XKR7: variants seen among roughly 807,000 people sequenced by gnomAD.
XKR7 encodes the protein XK related 7, also known as XK-related protein 7.
Under a neutral mutation model 42.2 loss-of-function variants are expected in XKR7, and 11 were observed. That is an observed-to-expected ratio of 0.26 (90% CI 0.16 to 0.43). The LOEUF (loss-of-function observed/expected upper bound fraction) is 0.43, where lower values mean the gene tolerates loss of function less well. Ranked by LOEUF, XKR7 falls within the 20% of genes least tolerant of loss-of-function variation. The pLI is 1.00. For synonymous variants in XKR7, 346 were observed against 366.4 expected, an observed-to-expected ratio of 0.94 and a Z score of 0.64; for missense variants, 710 against 802.2, an observed-to-expected ratio of 0.89 and a Z score of 1.39.
At chr20:31,979,874 T>G (rs6121302) in intron 1 of XKR7, among the ~76,000 whole-genome samples, 78,545 of 151,832 alleles carry the variant, frequency 0.52, 24,070 homozygotes, top group African/African-American at 0.86. Context: ...TTTAGTCTCT[T>G]CTCTGCACCC....
chr20:31,982,900 A>G (rs1166466692), intron 1 of XKR7, among the ~76,000 whole-genome samples: 1 of 152,186 alleles, frequency 6.6e-6, no homozygotes, highest in African/African-American at 2.4e-5. Flanking sequence ...TCCATTGATC[A>G]AGTGCCCAAC....
intron 1 of XKR7, among the ~76,000 whole-genome samples, chr20:31,990,164 T>C (rs1416136365): frequency 1.3e-5 from 2 of 150,230 alleles, no homozygotes; most frequent in African/African-American, 5.0e-5. Context: ...TTATAAACTA[T>C]TTTTAAATTC....
chr20:31,984,904 G>A (rs2064530568), intron 1 of XKR7, among the ~76,000 whole-genome samples: 1 of 152,192 alleles, frequency 6.6e-6, no homozygotes, highest in African/African-American at 2.4e-5. Context: ...TGTGACTTGG[G>A]ACGAGTCCTG....
At chr20:31,993,721 G>T (rs529028769) in intron 1 of XKR7, among the ~76,000 whole-genome samples, 2 of 152,222 alleles carry the variant, frequency 1.3e-5, no homozygotes, top group South Asian at 2.1e-4. Flanking sequence ...CAGCATGGGG[G>T]AGATGTGCAC....
At position 31,982,519 on chromosome 20, in the gene XKR7, C is replaced by CAA. The variant is rs558720693; in HGVS notation, c.585-12532_585-12531dup. ...CCCAGGCGACAGAGAGACTCTGTCT[C>CAA]AAAAAAAAAAAAAAAAAAGGCTTGG... On this transcript the variant is annotated intron_variant, in intron 1 of 2. Coordinates refer to ENST00000562532, the MANE Select transcript of XKR7 (RefSeq NM_001011718.2). Among the ~76,000 whole-genome samples, 290 of 63,044 alleles carry CAA rather than the reference C, an allele frequency of 4.6e-3. 2 individuals carry two copies. Among genetic ancestry groups the CAA allele is most frequent in the Middle Eastern group, 0.02 (2 of 102 alleles). 41.4% of individuals were successfully genotyped at this position (63,044 alleles called of 152,430 possible). A position where few individuals can be genotyped will look rare whatever the true frequency, so the allele number is the denominator to read the frequency against.
At position 31,998,090 on chromosome 20, in the gene XKR7, G is replaced by GC. The variant is rs1172170348; in HGVS notation, c.*633_*634insC. ...GGATAGGAGAAAGAACTGGGGGGGG[G>GC]GTCTAGGCTGGCAGAAGCATGGAGG... On this transcript the variant is annotated 3_prime_UTR_variant, in exon 3 of 3. Transcript: ENST00000562532. 3 of 126,988 alleles carry GC rather than the reference G, an allele frequency of 2.4e-5. No homozygotes were observed. Among genetic ancestry groups the GC allele is most frequent in the African/African-American group, 8.8e-5 (3 of 34,134 alleles). 7.9% of individuals were successfully genotyped at this position (126,988 alleles called of 1,614,324 possible). A position where few individuals can be genotyped will look rare whatever the true frequency, so the allele number is the denominator to read the frequency against.
chr20:31,988,163 G>T (rs147756898), intron 1 of XKR7, among the ~76,000 whole-genome samples: 1 of 152,160 alleles, frequency 6.6e-6, no homozygotes, highest in Non-Finnish European at 1.5e-5. Flanking sequence ...AGAGACTTGG[G>T]GTGACTCAGG....
In XKR7 at chr20:31,968,790, C is replaced by T. The variant is rs763948478; in HGVS notation, c.584+31C>T. On this transcript the variant is annotated intron_variant, in intron 1 of 2. Coordinates refer to ENST00000562532, the MANE Select transcript of XKR7 (RefSeq NM_001011718.2). The surrounding 1 kb of genome is among the most constrained non-coding windows in gnomAD (Gnocchi z 4.5). ...AGAAGCGCAGGTGGAGGGACCTGAG[C>T]CCGAGGAGTGGGGGTGGCGAAGGGC... 6.2e-6 allele frequency: 9 copies of T among 1,462,594 alleles called. No individual in the cohort carries two copies. 90.6% of individuals were successfully genotyped at this position (1,462,594 alleles called of 1,614,324 possible). A position where few individuals can be genotyped will look rare whatever the true frequency, so the allele number is the denominator to read the frequency against.
intron 1 of XKR7, among the ~76,000 whole-genome samples, chr20:31,984,634 A>G (rs941233084): frequency 2.0e-5 from 3 of 152,150 alleles, no homozygotes; most frequent in Admixed American, 6.5e-5. Flanking sequence ...TTCACTTACT[A>G]TTGTTGCCTG....
intron 1 of XKR7, among the ~76,000 whole-genome samples, chr20:31,987,787 T>C (rs1460159255): frequency 6.6e-6 from 1 of 152,226 alleles, no homozygotes; most frequent in Non-Finnish European, 1.5e-5. Flanking sequence ...CTGAAGCTCC[T>C]GGCCTCTAAG....
intron 1 of XKR7, among the ~76,000 whole-genome samples, chr20:31,988,566 C>G (rs890311185): frequency 6.6e-6 from 1 of 152,182 alleles, no homozygotes; most frequent in Non-Finnish European, 1.5e-5. Context: ...CAAGCTTCTT[C>G]TCTGAGCACA....
At chr20:31,988,836 G>A (rs1370001654) in intron 1 of XKR7, among the ~76,000 whole-genome samples, 1 of 152,146 alleles carries the variant, frequency 6.6e-6, no homozygotes, top group East Asian at 1.9e-4. Flanking sequence ...CCTGTGAGGT[G>A]TCCTGGCTCT....
chr20:31,976,271 A>T (rs2122253437), intron 1 of XKR7, among the ~76,000 whole-genome samples: 1 of 152,388 alleles, frequency 6.6e-6, no homozygotes, highest in South Asian at 2.1e-4. Flanking sequence ...TCCCAAACCC[A>T]CATGTGGAAC....
At position 31,995,846 on chromosome 20, in the gene XKR7, A is replaced by C. The variant is rs1162794293; in HGVS notation, c.787+576A>C. Among the ~76,000 whole-genome samples the C allele has an allele frequency of 6.6e-6, 1 of 151,738 alleles. No individual in the cohort carries two copies. Among genetic ancestry groups the C allele is most frequent in the Non-Finnish European group, 1.5e-5 (1 of 67,944 alleles). On this transcript the variant is annotated intron_variant, in intron 2 of 2. Transcript: ENST00000562532. This position sits in a 1 kb window ranked among gnomAD's most constrained non-coding sequence, Gnocchi z 4.1. ...CATAATGACAGAGCCCCTCAATATC[A>C]GAGAAAAACCGCATCCCCCTGTCTC...
intron 1 of XKR7, chr20:31,970,355 AT>A (rs2064459283): frequency 6.6e-6 from 1 of 152,218 alleles, no homozygotes; most frequent in African/African-American, 2.4e-5. Context: ...CAAGAAACTA[AT>A]ACTTCTCTTC....
rs1167042907 is a variant in XKR7, at chr20:31,995,302, G to C, written c.787+32G>C. ...CCGCCCCTTCACCCTCTGCGCCTGG[G>C]ACCACCCCACCGGGCCTTTCTCCCT... On this transcript the variant is annotated intron_variant, in intron 2 of 2. Transcript: ENST00000562532. This position sits in a 1 kb window ranked among gnomAD's most constrained non-coding sequence, Gnocchi z 4.1. The C allele has an allele frequency of 2.0e-6, 3 of 1,532,248 alleles. No homozygotes were observed. Among genetic ancestry groups the C allele is most frequent in the South Asian group, 1.2e-5 (1 of 83,666 alleles). The allele number at this position is 1,532,248 out of a possible 1,614,324, so 94.9% of individuals were successfully genotyped here.
In XKR7 at chr20:31,998,080, C is replaced by A. The variant is rs1217598935; in HGVS notation, c.*623C>A. Reference sequence around the variant, plus strand: ...TGCTGGAGATGGATAGGAGAAAGAACTGGGGGGGGGGTCTAGGCTGGCAGA... The same window carrying A: ...TGCTGGAGATGGATAGGAGAAAGAAATGGGGGGGGGGTCTAGGCTGGCAGA... On this transcript the variant is annotated 3_prime_UTR_variant, in exon 3 of 3. Transcript: ENST00000562532. 4.3e-5 allele frequency: 2 copies of A among 46,282 alleles called. No homozygotes were observed. The highest frequency in any genetic ancestry group is 6.8e-4 in the Admixed American group (2 of 2,956). 2.9% of individuals were successfully genotyped at this position (46,282 alleles called of 1,614,324 possible). A position where few individuals can be genotyped will look rare whatever the true frequency, so the allele number is the denominator to read the frequency against.
chr20:31,995,814 C>T lies in XKR7; in HGVS notation c.787+544C>T, dbSNP rs917092690. Among the ~76,000 whole-genome samples the T allele has an allele frequency of 3.2e-4, 49 of 152,136 alleles. No individual in the cohort carries two copies. The highest frequency in any genetic ancestry group is 1.1e-3 in the African/African-American group (45 of 41,494). ...CAGGCCCTGTTAATTTCCCACCTTG[C>T]CCCTTCCATAATGACAGAGCCCCTC... On this transcript the variant is annotated intron_variant, in intron 2 of 2. Transcript: ENST00000562532. This position sits in a 1 kb window ranked among gnomAD's most constrained non-coding sequence, Gnocchi z 4.1.
intron 1 of XKR7, among the ~76,000 whole-genome samples, chr20:31,973,092 A>G (rs188023253): frequency 1.3e-5 from 2 of 152,216 alleles, no homozygotes; most frequent in Non-Finnish European, 2.9e-5. Flanking sequence ...TTCAAGGTTT[A>G]ATGAGATAAT....
Sources: allele counts gnomAD v4.1 joint callset (sites outside exome capture counted in the v4.1 genomes callset), GRCh38; gene constraint gnomAD v4.1.1; non-coding constraint Gnocchi (gnomAD v3.1); transcripts MANE v1.5; gene names NCBI Gene and HGNC (gene_info 2026-07-23, HGNC 2026-07-21).